Variants in PATJ observed in about 807,000 individuals in gnomAD.
The protein encoded by PATJ is PATJ crumbs cell polarity complex component.
Under a neutral mutation model 224.9 loss-of-function variants are expected in PATJ, and 190 were observed. That is an observed-to-expected ratio of 0.84 (90% CI 0.75 to 0.95). The LOEUF (loss-of-function observed/expected upper bound fraction) is 0.95. Among genes scored for constraint, PATJ ranks in the 40% least tolerant of loss-of-function variants. The probability of loss-of-function intolerance (pLI) is 0.00; values close to 1 mark genes in which losing one functional copy is unlikely to be tolerated. For missense variants in PATJ, 2,121 were observed against 2,270.3 expected, an observed-to-expected ratio of 0.93 and a Z score of 1.34; for synonymous variants, 769 against 820.3, an observed-to-expected ratio of 0.94 and a Z score of 1.07.
intron 26 of PATJ, among the ~76,000 whole-genome samples, chr1:61,926,233 T>TG (rs1324227900): frequency 6.6e-6 from 1 of 152,144 alleles, no homozygotes; most frequent in Non-Finnish European, 1.5e-5. Flanking sequence ...TTGCCACATC[T>TG]GGGGAGAGCC....
chr1:61,783,131 T>C lies in PATJ; in HGVS notation c.850-4623T>C, dbSNP rs143280989. ...GCCCAGCTTGAGGTCACTAAATGGT[T>C]GGTTAGTCCCAAGCAATTTTGCTTT... On this transcript the variant is annotated intron_variant, in intron 7 of 43. Transcript: ENST00000642238. Among the ~76,000 whole-genome samples, 412 of 152,244 alleles carry C rather than the reference T, an allele frequency of 2.7e-3. 2 individuals are homozygous for C. The highest frequency in any genetic ancestry group is 9.5e-3 in the African/African-American group (393 of 41,536).
In PATJ at chr1:62,160,894, T is replaced by C; in HGVS notation, c.5503-14T>C. The C allele has an allele frequency of 6.2e-7, 1 of 1,613,360 alleles. No individual in the cohort carries two copies. Among genetic ancestry groups the C allele is most frequent in the East Asian group, 2.2e-5 (1 of 44,876 alleles). ...TTTTACCCTGGATTAAACTGAAATG[T>C]TTCTTGTTTGTAGGGAGCAGCTGCA... On this transcript the variant is annotated splice_polypyrimidine_tract_variant and intron_variant, in intron 43 of 43. Transcript: ENST00000642238.
At chr1:62,045,478 A>G (rs1652366163) in intron 30 of PATJ, among the ~76,000 whole-genome samples, 1 of 152,192 alleles carries the variant, frequency 6.6e-6, no homozygotes, top group Non-Finnish European at 1.5e-5. Flanking sequence ...AACTTCCTAA[A>G]GGTCTGAAAA....
chr1:62,024,471 A>T lies in PATJ; in HGVS notation c.3959+6524A>T, dbSNP rs572987909. ...GTCCATTCCTTAATATAATACCTGC[A>T]TATATTAGCTTACAGGAATTATGCC... On this transcript the variant is annotated intron_variant, in intron 29 of 43. Transcript: ENST00000642238. Among the ~76,000 whole-genome samples the T allele has an allele frequency of 2.6e-5, 4 of 152,258 alleles. No individual in the cohort carries two copies. The South Asian group carries it at 8.3e-4, about 32-fold the overall frequency.
At position 61,920,007 on chromosome 1, in the gene PATJ, C is replaced by T. The variant is rs1056419724; in HGVS notation, c.3570+5343C>T. Among the ~76,000 whole-genome samples the T allele has an allele frequency of 3.3e-5, 5 of 152,046 alleles. No individual in the cohort carries two copies. In the East Asian group the frequency reaches 5.8e-4, roughly 18 times the overall value. Reference sequence around the variant, plus strand: ...ATCAAACTAACTATTTGAGTTATTCCGATTTCTTATACTTACTGATTTTTT... The same window carrying T: ...ATCAAACTAACTATTTGAGTTATTCTGATTTCTTATACTTACTGATTTTTT... On this transcript the variant is annotated intron_variant, in intron 26 of 43. Transcript: ENST00000642238.
chr1:61,801,708 G>A lies in PATJ; in HGVS notation c.1488G>A (p.Glu496=), dbSNP rs1284256513. ...ETETNVDGED[E]EIKERIDTLK... ...AAACTAATGTGGATGGTGAAGATGA[G>A]GAAATTAAAGAAAGAATTGATACTT... Residue 496 remains glutamate, a synonymous_variant, in exon 12 of 44, where the codon GAG becomes GAA. Transcript: ENST00000642238. The A allele has an allele frequency of 6.3e-7, 1 of 1,598,968 alleles. No homozygotes were observed. The highest frequency in any genetic ancestry group is 1.7e-5 in the Admixed American group (1 of 59,606).
At chr1:61,783,468 A>T (rs1274282900) in intron 7 of PATJ, among the ~76,000 whole-genome samples, 1 of 131,086 alleles carries the variant, frequency 7.6e-6, no homozygotes, top group Non-Finnish European at 1.5e-5. Context: ...TTGCTCTGTC[A>T]CTTTGGCTAG....
At chr1:61,790,536 CAG>C (rs1026663585) in intron 8 of PATJ, among the ~76,000 whole-genome samples, 2 of 112,152 alleles carry the variant, frequency 1.8e-5, no homozygotes, top group Non-Finnish European at 3.5e-5. Flanking sequence ...TTGTTTGAGA[CAG>C]AGTCTTGCTC....
chr1:61,993,258 G>A (rs1005542402), intron 28 of PATJ, among the ~76,000 whole-genome samples: 85 of 152,136 alleles, frequency 5.6e-4, no homozygotes, highest in African/African-American at 1.8e-3. Flanking sequence ...AGGAAGTTAC[G>A]AAGATACAGG....
At chr1:61,787,428 G>C (rs1648791533) in intron 7 of PATJ, among the ~76,000 whole-genome samples, 1 of 152,160 alleles carries the variant, frequency 6.6e-6, no homozygotes, top group Admixed American at 6.5e-5. Flanking sequence ...TTTCCTTCTT[G>C]AGGCCCTGGC....
intron 19 of PATJ, among the ~76,000 whole-genome samples, chr1:61,863,705 G>A (rs1664983938): frequency 6.6e-6 from 1 of 152,162 alleles, no homozygotes; most frequent in East Asian, 1.9e-4. Context: ...AATAAGATTT[G>A]TTATTTTTTA....
intron 42 of PATJ, 83 bp downstream of exon 42, chr1:62,148,473 AAGG>A: frequency 3.1e-6 from 3 of 967,532 alleles, no homozygotes; most frequent in South Asian, 1.3e-5. Context: ...GTGCACTCTA[AAGG>A]AGAAGTGGCC....
chr1:62,083,027 G>T (rs992295244), intron 32 of PATJ, among the ~76,000 whole-genome samples: 3 of 152,064 alleles, frequency 2.0e-5, no homozygotes, highest in Non-Finnish European at 4.4e-5. Flanking sequence ...GACATTCTCT[G>T]GAGACTATGA....
At chr1:62,128,715 G>T in intron 40 of PATJ, 126 bp from the exon 41 acceptor site, 1 of 694,050 alleles carries the variant, frequency 1.4e-6, no homozygotes, top group Non-Finnish European at 2.6e-6. Flanking sequence ...ATGCATGCAC[G>T]GTAGTAACGC....
chr1:61,886,185 A>G (rs1329246630), intron 22 of PATJ, among the ~76,000 whole-genome samples: 2 of 152,206 alleles, frequency 1.3e-5, no homozygotes, highest in East Asian at 3.9e-4. Context: ...AATTAAAAAA[A>G]AAAAGATTGG....
intron 43 of PATJ, among the ~76,000 whole-genome samples, chr1:62,154,725 T>C (rs986503095): frequency 6.6e-6 from 1 of 152,096 alleles, no homozygotes; most frequent in African/African-American, 2.4e-5. Context: ...TCTGTCTCTT[T>C]CCAGAAAGCT....
chr1:61,915,260 C>A (rs1673286515), intron 26 of PATJ, among the ~76,000 whole-genome samples: 2 of 152,284 alleles, frequency 1.3e-5, no homozygotes, highest in South Asian at 2.1e-4. Context: ...TTAAAATAGA[C>A]CTCCTTTACC....
At chr1:62,013,565 AAC>A in intron 28 of PATJ, 1 of 916,884 alleles carries the variant, frequency 1.1e-6, no homozygotes, top group Non-Finnish European at 1.3e-6. Context: ...GTTACTGCCC[AAC>A]AAGGACTGAC....
chr1:61,966,468 C>G (rs1473011523), intron 27 of PATJ, among the ~76,000 whole-genome samples: 1 of 151,934 alleles, frequency 6.6e-6, no homozygotes, highest in Non-Finnish European at 1.5e-5. Context: ...GGTGGGTCAC[C>G]TGAAGTCAGG....
Sources: allele counts gnomAD v4.1 joint callset (sites outside exome capture counted in the v4.1 genomes callset), GRCh38; gene constraint gnomAD v4.1.1; transcripts MANE v1.5; gene names NCBI Gene and HGNC (gene_info 2026-07-23, HGNC 2026-07-21).